Variants in RCC1L observed in about 807,000 individuals in gnomAD.
RCC1L encodes the protein RCC1-like G exchanging factor-like protein.
RCC1L carries 46 observed loss-of-function variants against 58.6 expected under a neutral mutation model. The ratio of observed to expected loss-of-function variants is 0.79; its 90% CI spans 0.62 to 1.00. The LOEUF (loss-of-function observed/expected upper bound fraction) is 1.00, where lower values mean the gene tolerates loss of function less well. RCC1L is among the 50% of genes least tolerant of loss of function. RCC1L has a pLI of 0.00. For synonymous variants in RCC1L, 281 were observed against 262.9 expected (o/e 1.07, Z -0.67); for missense variants, 636 against 623.6 (o/e 1.02, Z -0.21).
chr7:75,044,526 G>A, intron 10 of RCC1L, among the ~76,000 whole-genome samples: 1 of 146,230 alleles, frequency 6.8e-6, no homozygotes, highest in South Asian at 2.2e-4. Context: ...TTGAACCTGG[G>A]AGGTGGAGGT....
intron 10 of RCC1L, among the ~76,000 whole-genome samples, chr7:75,034,036 T>C (rs1278637730): frequency 1.3e-5 from 2 of 152,186 alleles, no homozygotes; most frequent in African/African-American, 4.8e-5. Context: ...AAAGAAAATA[T>C]GCACCGAAAG....
At chr7:75,039,603 T>C (rs1805502880), downstream of RCC1L, among the ~76,000 whole-genome samples, 3 of 152,090 alleles carry the variant, frequency 2.0e-5, no homozygotes, top group South Asian at 6.2e-4. Flanking sequence ...CTACGACCCC[T>C]GCAAACTGTC....
rs781885804 is a variant in RCC1L at position 75,073,634 on chromosome 7, C to T, written c.104G>A (p.Arg35Gln). Residue 35 changes from arginine to glutamine, a missense_variant, in exon 1 of 11, where the codon CGG becomes CAG. Arg to Gln is a conservative substitution (Grantham distance 43). Transcript: ENST00000610322. ...HWTAAGRSRSRREAAEAEAEV... is the reference protein window; with the variant it reads ...HWTAAGRSRSQREAAEAEAEV... Reference sequence around the variant, plus strand: ...CGCCTCGGCTTCTGCCGCTTCGCGCCGGCTCCGGGAGCGCCCGGCCGCCGT... The same window carrying T: ...CGCCTCGGCTTCTGCCGCTTCGCGCTGGCTCCGGGAGCGCCCGGCCGCCGT... The T allele has an allele frequency of 6.7e-7, 1 of 1,491,274 alleles. No homozygotes were observed. Among genetic ancestry groups the T allele is most frequent in the Admixed American group, 2.3e-5 (1 of 43,494 alleles). 92.4% of individuals were successfully genotyped at this position (1,491,274 alleles called of 1,614,324 possible).
intron 7 of RCC1L, chr7:75,057,850 C>A: frequency 1.8e-6 from 1 of 558,656 alleles, no homozygotes; most frequent in Non-Finnish European, 3.3e-6. Context: ...AGATGTCAAC[C>A]AAAATTAACA....
chr7:75,046,760 T>C (rs1805731948), intron 10 of RCC1L, among the ~76,000 whole-genome samples: 1 of 152,216 alleles, frequency 6.6e-6, no homozygotes, highest in Non-Finnish European at 1.5e-5. Flanking sequence ...GGTGACTCTC[T>C]TAAAAGTCTC....
rs1164281831 is a variant in RCC1L, at chr7:75,072,497, C to G, written c.324+917G>C. Among the ~76,000 whole-genome samples, 6 of 152,090 alleles carry G rather than the reference C, an allele frequency of 3.9e-5. No homozygotes were observed. In the East Asian group the frequency reaches 1.2e-3, roughly 29 times the overall value. On this transcript the variant is annotated intron_variant, in intron 1 of 10. Coordinates refer to ENST00000610322, the MANE Select transcript of RCC1L (RefSeq NM_030798.5). Reference sequence around the variant, plus strand: ...TTCACTGACACTACACCGTTACGTACTCAGGCTATTACCATGAAAAGGAAA... The same window carrying G: ...TTCACTGACACTACACCGTTACGTAGTCAGGCTATTACCATGAAAAGGAAA...
intron 3 of RCC1L, among the ~76,000 whole-genome samples, chr7:75,066,126 T>C (rs984393529): frequency 6.6e-6 from 1 of 151,902 alleles, no homozygotes; most frequent in African/African-American, 2.4e-5. Flanking sequence ...ATACATGTGA[T>C]TTTCCAAGAA....
At chr7:75,030,924 T>A (rs889116629) in intron 10 of RCC1L, among the ~76,000 whole-genome samples, 4 of 152,038 alleles carry the variant, frequency 2.6e-5, no homozygotes, top group African/African-American at 4.8e-5. Context: ...TGGAAGAAGG[T>A]CCAGAAGAAT....
chr7:75,057,219 T>C (rs62476593), intron 8 of RCC1L, among the ~76,000 whole-genome samples: 134,759 of 152,124 alleles, frequency 0.89, 59,802 homozygotes, highest in East Asian at 0.95. Flanking sequence ...GTGATCTGCC[T>C]GCCTTGGCCT....
At chr7:75,032,616 C>G (rs1439321310) in intron 10 of RCC1L, among the ~76,000 whole-genome samples, 7 of 152,272 alleles carry the variant, frequency 4.6e-5, no homozygotes, top group African/African-American at 1.7e-4. Flanking sequence ...CCCATCCCAA[C>G]CCTGCCTCAC....
At chr7:75,073,337 A>G in intron 1 of RCC1L, 77 bp downstream of exon 1, 1 of 646,858 alleles carries the variant, frequency 1.5e-6, no homozygotes, top group Non-Finnish European at 2.3e-6. Flanking sequence ...AACTTCTTGA[A>G]GAGAGCCGAA....
At chr7:75,038,464 T>A (rs1805475844), downstream of RCC1L, among the ~76,000 whole-genome samples, 1 of 151,676 alleles carries the variant, frequency 6.6e-6, no homozygotes, top group Non-Finnish European at 1.5e-5. Flanking sequence ...GCCAGAGTCT[T>A]GCTCTGTCAC....
rs910311288 is a variant in RCC1L at position 75,057,185 on chromosome 7, C to T, written c.1057+344G>A. On this transcript the variant is annotated intron_variant, in intron 8 of 10. Coordinates refer to ENST00000610322, the MANE Select transcript of RCC1L (RefSeq NM_030798.5). ...TCAGGGTTTCACCACGTTGGCCAGG[C>T]TGGTCTTGAACTCCTGACCTCAGGT... Among the ~76,000 whole-genome samples the T allele has an allele frequency of 2.6e-5, 4 of 152,268 alleles. No individual in the cohort carries two copies. The East Asian group carries it at 7.7e-4, about 29-fold the overall frequency.
intron 10 of RCC1L, among the ~76,000 whole-genome samples, chr7:75,044,907 A>T (rs1243029244): frequency 6.6e-6 from 1 of 152,100 alleles, no homozygotes; most frequent in African/African-American, 2.4e-5. Flanking sequence ...CTGTAATCCC[A>T]GCTACTCAGG....
At chr7:75,040,456 T>C (rs1170756411), downstream of RCC1L, among the ~76,000 whole-genome samples, 1 of 152,068 alleles carries the variant, frequency 6.6e-6, no homozygotes, top group Non-Finnish European at 1.5e-5. Flanking sequence ...AGAGACTCTG[T>C]CTCAAACAAA....
At chr7:75,043,442 T>C (rs1036083313) in intron 10 of RCC1L, among the ~76,000 whole-genome samples, 8 of 152,224 alleles carry the variant, frequency 5.3e-5, no homozygotes, top group African/African-American at 1.9e-4. Flanking sequence ...AACATGGGCC[T>C]GTGTGCATCC....
At chr7:75,031,268 C>T (rs1805295665) in intron 10 of RCC1L, among the ~76,000 whole-genome samples, 1 of 152,116 alleles carries the variant, frequency 6.6e-6, no homozygotes, top group Non-Finnish European at 1.5e-5. Context: ...CCCACAACCC[C>T]CTCCAACCCT....
At chr7:75,066,401 C>T (rs1211757223) in intron 3 of RCC1L, among the ~76,000 whole-genome samples, 1 of 152,066 alleles carries the variant, frequency 6.6e-6, no homozygotes, top group African/African-American at 2.4e-5. Context: ...TTGCAGTGAG[C>T]CGAGATTACA....
Position 75,062,805 on chromosome 7 carries a change from G to GT in RCC1L, c.702+486dup, listed in dbSNP as rs1232905611. Reference sequence around the variant, plus strand: ...ACTAGAGTGTCATCCCCAAAAATCTGTTTTTTTTTGAGACAGAGTCTTGCT... The same window carrying GT: ...ACTAGAGTGTCATCCCCAAAAATCTGTTTTTTTTTTGAGACAGAGTCTTGCT... On this transcript the variant is annotated intron_variant, in intron 5 of 10. Transcript: ENST00000610322. Among the ~76,000 whole-genome samples, 951 of 150,062 alleles carry GT rather than the reference G, an allele frequency of 6.3e-3. 7 individuals carry two copies. The highest frequency in any genetic ancestry group is 0.033 in the South Asian group (157 of 4,690).
Sources: gnomAD v4.1 joint callset for allele counts (sites outside exome capture counted in the v4.1 genomes callset) on GRCh38, gnomAD v4.1.1 for gene constraint, MANE v1.5 for transcripts, NCBI Gene and HGNC (gene_info 2026-07-23, HGNC 2026-07-21) for gene names.